The following MRPS14 variants were observed in gnomAD, a reference collection of about 807,000 sequenced individuals.
MRPS14 encodes the protein mitochondrial ribosomal protein S14.
MRPS14 carries 14 observed loss-of-function variants against 16.4 expected under a neutral mutation model. The observed-to-expected ratio is 0.85, with a 90% CI of 0.56 to 1.33. MRPS14 has a LOEUF of 1.33. MRPS14 is among the 40% of genes most tolerant of loss of function. The pLI, the probability that MRPS14 is intolerant of heterozygous loss-of-function variation, is 0.00. For synonymous variants in MRPS14, 54 were observed against 61.9 expected, an observed-to-expected ratio of 0.87 and a Z score of 0.60; for missense variants, 162 against 176.8, an observed-to-expected ratio of 0.92 and a Z score of 0.48.
Position 175,018,410 on chromosome 1 carries a change from T to G in MRPS14, c.204+8A>C, listed in dbSNP as rs377434105. The G allele has an allele frequency of 3.1e-6, 5 of 1,588,204 alleles. No homozygotes were observed. The African/African-American group carries it at 6.8e-5, about 21-fold the overall frequency. ...GTGGTACAAAGGGACTCATCTTAAT[T>G]AGCTAACCTGAAGAATTTTTGGCAA... On this transcript the variant is annotated splice_region_variant and intron_variant, in intron 2 of 2. Transcript: ENST00000476371.
chr1:175,020,876 C>T (rs1202538435), intron 1 of MRPS14, among the ~76,000 whole-genome samples: 1 of 152,006 alleles, frequency 6.6e-6, no homozygotes, highest in Non-Finnish European at 1.5e-5. Context: ...AGATTAAGGC[C>T]ACACTCTATT....
chr1:175,014,574 T>C lies in MRPS14; in HGVS notation c.*95A>G. 1.5e-6 allele frequency: 2 copies of C among 1,299,642 alleles called. No homozygotes were observed. The highest frequency in any genetic ancestry group is 2.1e-6 in the Non-Finnish European group (2 of 950,592). 80.5% of individuals were successfully genotyped at this position (1,299,642 alleles called of 1,614,324 possible). A position where few individuals can be genotyped will look rare whatever the true frequency, so the allele number is the denominator to read the frequency against. On this transcript the variant is annotated 3_prime_UTR_variant, in exon 3 of 3. Coordinates refer to ENST00000476371, the MANE Select transcript of MRPS14 (RefSeq NM_022100.3). ...AGGCCAAACAACTGTACTGGGCCCC[T>C]GTAGAGATTAGGGTTTGGTCTATTA...
At position 175,013,848 on chromosome 1, in the gene MRPS14, C is replaced by A. The variant is rs1672831372; in HGVS notation, c.*821G>T. On this transcript the variant is annotated 3_prime_UTR_variant, in exon 3 of 3. Transcript: ENST00000476371. ...CTGTGTGCAGAAAAAAATCTCACCC[C>A]TCACCTCCTGATTTATTAAGTTCTC... 1.3e-5 allele frequency: 2 copies of A among 152,128 alleles called. No homozygotes were observed. The highest frequency in any genetic ancestry group is 1.3e-4 in the Admixed American group (2 of 15,270). 9.4% of individuals were successfully genotyped at this position (152,128 alleles called of 1,614,324 possible).
chr1:175,019,673 T>C (rs996018490), intron 1 of MRPS14, among the ~76,000 whole-genome samples: 3 of 152,200 alleles, frequency 2.0e-5, no homozygotes, highest in African/African-American at 7.2e-5. Flanking sequence ...TTCTCAGCAC[T>C]AGTTGTCCAG....
intron 2 of MRPS14, among the ~76,000 whole-genome samples, chr1:175,015,166 C>A (rs1672858303): frequency 6.6e-6 from 1 of 152,066 alleles, no homozygotes; most frequent in Non-Finnish European, 1.5e-5. Context: ...CCAGGCTGGT[C>A]TCAAACTCCT....
intron 1 of MRPS14, among the ~76,000 whole-genome samples, chr1:175,018,999 G>A (rs1055625363): frequency 4.6e-5 from 7 of 151,984 alleles, no homozygotes; most frequent in South Asian, 2.1e-4. Context: ...CTAGTTTCTT[G>A]TATATCCTTC....
At position 175,014,235 on chromosome 1, in the gene MRPS14, G is replaced by A. The variant is rs1344091793; in HGVS notation, c.*434C>T. 2 of 242,908 alleles carry A rather than the reference G, an allele frequency of 8.2e-6. No homozygotes were observed. The highest frequency in any genetic ancestry group is 1.6e-5 in the Non-Finnish European group (2 of 128,522). The allele number at this position is 242,908 out of a possible 1,614,324, so 15.0% of individuals were successfully genotyped here. On this transcript the variant is annotated 3_prime_UTR_variant, in exon 3 of 3. Transcript: ENST00000476371. ...TGTTTATCTAACAATAATAGTTAAG[G>A]GGAGCTCTGCAGGTCAGCAAAGCTA...
At chr1:175,020,933 A>G (rs1174713862) in intron 1 of MRPS14, among the ~76,000 whole-genome samples, 1 of 151,906 alleles carries the variant, frequency 6.6e-6, no homozygotes, top group Non-Finnish European at 1.5e-5. Context: ...ACCCCTCTTC[A>G]GCTCCTAAAA....
In MRPS14 at chr1:175,015,010, C is replaced by A. The variant is rs186349072; in HGVS notation, c.205-159G>T. 8.5e-4 allele frequency among the ~76,000 whole-genome samples: 125 copies of A among 146,782 alleles called. 1 individual carries two copies. Among genetic ancestry groups the A allele is most frequent in the Non-Finnish European group, 1.2e-3 (83 of 67,406 alleles). The stretch of plus-strand genomic sequence containing the variant: ...GTGGGTGTTAGATTGTGCAATGTCA[C>A]AATCTCAGCTCACTGCAACCTCCGC... On this transcript the variant is annotated intron_variant, in intron 2 of 2. Coordinates refer to ENST00000476371, the MANE Select transcript of MRPS14 (RefSeq NM_022100.3).
chr1:175,020,580 C>T (rs1672963891), intron 1 of MRPS14, among the ~76,000 whole-genome samples: 1 of 151,942 alleles, frequency 6.6e-6, no homozygotes, highest in Non-Finnish European at 1.5e-5. Flanking sequence ...GCGATCGTGG[C>T]TCACCGCAAC....
At chr1:175,018,382 C>T in intron 2 of MRPS14, 36 bp downstream of exon 2, 1 of 1,539,198 alleles carries the variant, frequency 6.5e-7, no homozygotes, top group Non-Finnish European at 8.7e-7. Context: ...AGTTAATGAT[C>T]TTGTGGTACA....
intron 2 of MRPS14, 138 bp from the exon 3 acceptor site, chr1:175,014,989 G>T (rs1672855027): frequency 3.7e-6 from 3 of 811,996 alleles, no homozygotes; most frequent in African/African-American, 3.6e-5. Flanking sequence ...CAGGCTGTGG[G>T]TGTTAGATTG....
chr1:175,016,970 A>C (rs185266584), intron 2 of MRPS14, among the ~76,000 whole-genome samples: 1 of 151,650 alleles, frequency 6.6e-6, no homozygotes, highest in East Asian at 1.9e-4. Flanking sequence ...CATACCCCCT[A>C]GTCCTCCTAG....
At chr1:175,016,090 G>A (rs1318451378) in intron 2 of MRPS14, among the ~76,000 whole-genome samples, 5 of 152,002 alleles carry the variant, frequency 3.3e-5, no homozygotes, top group Admixed American at 1.3e-4. Context: ...CCATCTGGCC[G>A]GGAGGCTAAG....
chr1:175,014,654 G>A lies in MRPS14; in HGVS notation c.*15C>T, dbSNP rs777197099. On this transcript the variant is annotated 3_prime_UTR_variant, in exon 3 of 3. Transcript: ENST00000476371. ...GCTTGGCTTCCCTGCAAGCTCAATA[G>A]GTTCTGGAGCTCATTTACCATGTCG... is the stretch of plus-strand genomic sequence containing the variant. 1.3e-6 allele frequency: 2 copies of A among 1,582,702 alleles called. No individual in the cohort carries two copies. The highest frequency in any genetic ancestry group is 3.9e-5 in the Admixed American group (2 of 51,250).
chr1:175,021,758 T>C (rs1461468112), intron 1 of MRPS14, among the ~76,000 whole-genome samples: 1 of 152,206 alleles, frequency 6.6e-6, no homozygotes, highest in Admixed American at 6.5e-5. Context: ...TCCAACTCTC[T>C]TACAGGGTCT....
intron 2 of MRPS14, 108 bp from the exon 3 acceptor site, chr1:175,014,959 CAG>C (rs1188469925): frequency 7.1e-5 from 71 of 1,002,610 alleles, no homozygotes; most frequent in Middle Eastern, 4.6e-4. Context: ...TTTTTTGAGA[CAG>C]AGTCTCGCTC....
Position 175,014,680 on chromosome 1 carries a change from C to T in MRPS14, c.376G>A (p.Ala126Thr). The T allele has an allele frequency of 6.2e-7, 1 of 1,610,320 alleles. No individual in the cohort carries two copies. The highest frequency in any genetic ancestry group is 8.5e-7 in the Non-Finnish European group (1 of 1,178,320). The change falls in exon 3 of 3, where the codon GCG becomes ACG. Residue 126 changes from alanine (A) to threonine (T), a missense_variant. Ala to Thr is a moderately conservative substitution (Grantham distance 58, BLOSUM62 0). Coordinates refer to ENST00000476371, the MANE Select transcript of MRPS14 (RefSeq NM_022100.3). ...GTTCTGGAGCTCATTTACCATGTCG[C>T]TCGCTGGATCCCAGAAAGTTGCCCA... Reference protein sequence around the residue: ...DHGQLSGIQRATW With the variant: ...DHGQLSGIQRTTW
chr1:175,021,354 C>A (rs1672975149), intron 1 of MRPS14, among the ~76,000 whole-genome samples: 1 of 152,156 alleles, frequency 6.6e-6, no homozygotes, highest in Non-Finnish European at 1.5e-5. Flanking sequence ...GAAATTACAC[C>A]CTGATCACTC....
Sources: gnomAD v4.1 joint callset for allele counts (sites outside exome capture counted in the v4.1 genomes callset) on GRCh38, gnomAD v4.1.1 for gene constraint, MANE v1.5 for transcripts, NCBI Gene and HGNC (gene_info 2026-07-23, HGNC 2026-07-21) for gene names.